The following TTC39B variants were observed in gnomAD, a reference collection of about 807,000 sequenced individuals.
TTC39B encodes the protein tetratricopeptide repeat domain 39B, also known as tetratricopeptide repeat protein 39B.
In TTC39B, 92 loss-of-function variants were observed where a neutral mutation model predicts 96.6. The ratio of observed to expected loss-of-function variants is 0.95; its 90% CI spans 0.80 to 1.13. The LOEUF (loss-of-function observed/expected upper bound fraction) is 1.13, where lower values mean the gene tolerates loss of function less well. TTC39B is among the 50% of genes most tolerant of loss of function. The probability of loss-of-function intolerance (pLI) is 0.00; values close to 1 mark genes in which losing one functional copy is unlikely to be tolerated. For synonymous variants in TTC39B, 367 were observed against 299.4 expected (o/e 1.23, Z -2.33); for missense variants, 955 against 809.3 (o/e 1.18, Z -2.18).
intron 2 of TTC39B, among the ~76,000 whole-genome samples, chr9:15,253,916 C>G (rs1286682860): frequency 6.6e-6 from 1 of 151,998 alleles, no homozygotes; most frequent in Non-Finnish European, 1.5e-5. Flanking sequence ...TACTAAGAAC[C>G]ATACAAAGCA....
intron 13 of TTC39B, 107 bp downstream of exon 13, chr9:15,189,467 A>G: frequency 8.8e-7 from 1 of 1,140,610 alleles, no homozygotes; most frequent in African/African-American, 1.6e-5. Flanking sequence ...ATTTTTGTCT[A>G]GTCCATATAG....
intron 1 of TTC39B, among the ~76,000 whole-genome samples, chr9:15,276,128 G>A (rs1238917923): frequency 6.6e-6 from 1 of 152,178 alleles, no homozygotes. Context: ...GAGGTTATTA[G>A]TAGGACATCT....
intron 18 of TTC39B, among the ~76,000 whole-genome samples, chr9:15,176,724 G>A (rs995741105): frequency 6.6e-6 from 1 of 152,142 alleles, no homozygotes; most frequent in African/African-American, 2.4e-5. Flanking sequence ...ATCAAATAGA[G>A]CTGAGGAGTG....
chr9:15,223,840 C>CAAA (rs754309254), intron 3 of TTC39B, among the ~76,000 whole-genome samples: 26 of 129,788 alleles, frequency 2.0e-4, no homozygotes, highest in African/African-American at 7.0e-4. Flanking sequence ...ACATGACACT[C>CAAA]AAAAAAAAAA....
rs771346974 is a variant in TTC39B, at chr9:15,175,006, C to G, written c.1958+13G>C. On this transcript the variant is annotated intron_variant, in intron 19 of 19. Coordinates refer to ENST00000512701, the Ensembl canonical transcript of TTC39B. ...TCCATAACAATCAAGGAAAAGCTGC[C>G]TTCAACACTTACCTTGCAGTTTCTA... The G allele has an allele frequency of 6.3e-7, 1 of 1,586,588 alleles. No homozygotes were observed. The highest frequency in any genetic ancestry group is 1.7e-4 in the Middle Eastern group (1 of 6,000).
At chr9:15,252,414 CGA>C (rs1822595343) in intron 2 of TTC39B, among the ~76,000 whole-genome samples, 3 of 152,026 alleles carry the variant, frequency 2.0e-5, no homozygotes, top group African/African-American at 7.2e-5. Context: ...TTTGGGAGGC[CGA>C]GACGGGCGGA....
At chr9:15,298,768 T>A (rs1209813977) in intron 1 of TTC39B, among the ~76,000 whole-genome samples, 1 of 152,148 alleles carries the variant, frequency 6.6e-6, no homozygotes, top group Non-Finnish European at 1.5e-5. Flanking sequence ...CTATATATTA[T>A]GTCCCATTTC....
intron 3 of TTC39B, among the ~76,000 whole-genome samples, chr9:15,223,479 G>C (rs535243403): frequency 1.3e-5 from 2 of 152,288 alleles, no homozygotes; most frequent in South Asian, 4.1e-4. Context: ...ACAACTTTGT[G>C]TTAAGAAGCA....
intron 15 of TTC39B, 109 bp downstream of exon 15, chr9:15,186,835 A>T: frequency 1.0e-6 from 1 of 971,854 alleles, no homozygotes; most frequent in African/African-American, 1.6e-5. Flanking sequence ...AGCTGGGACT[A>T]CAAGCACATG....
chr9:15,191,361 G>C (rs1374716746), intron 9 of TTC39B, 106 bp from the exon 10 acceptor site: 1 of 716,510 alleles, frequency 1.4e-6, no homozygotes, highest in Non-Finnish European at 2.3e-6. Flanking sequence ...ATGAGAAATT[G>C]GGAACAAGTT....
intron 2 of TTC39B, among the ~76,000 whole-genome samples, chr9:15,240,376 G>T (rs1056135084): frequency 1.3e-5 from 2 of 152,314 alleles, no homozygotes; most frequent in Middle Eastern, 3.4e-3. Flanking sequence ...AGATAAACTA[G>T]ATAAACTTCT....
At position 15,192,579 on chromosome 9, in the gene TTC39B, G is replaced by A. The variant is rs775247626; in HGVS notation, c.930+11C>T. 1.1e-5 allele frequency: 17 copies of A among 1,605,060 alleles called. No individual in the cohort carries two copies. In the South Asian group the frequency reaches 1.8e-4, roughly 17 times the overall value. Reference sequence around the variant, plus strand: ...ACAAAAGTTCTGGTTTCTATACAGTGATTTCCTTACCAAATTAAAGGCCCC... The same window carrying A: ...ACAAAAGTTCTGGTTTCTATACAGTAATTTCCTTACCAAATTAAAGGCCCC... On this transcript the variant is annotated intron_variant, in intron 9 of 19. Coordinates refer to ENST00000512701, the Ensembl canonical transcript of TTC39B.
chr9:15,186,280 C>T (rs1418338049), intron 15 of TTC39B, among the ~76,000 whole-genome samples: 1 of 152,036 alleles, frequency 6.6e-6, no homozygotes, highest in African/African-American at 2.4e-5. Context: ...TGTTCATTAC[C>T]GTCAGTGGAA....
intron 2 of TTC39B, among the ~76,000 whole-genome samples, chr9:15,253,436 G>GA (rs1822637755): frequency 6.6e-6 from 1 of 152,216 alleles, no homozygotes. Flanking sequence ...CAAGGAAATG[G>GA]ATTCTCCTCT....
At chr9:15,209,152 A>G (rs2131341053) in intron 6 of TTC39B, among the ~76,000 whole-genome samples, 1 of 152,188 alleles carries the variant, frequency 6.6e-6, no homozygotes, top group South Asian at 2.1e-4. Context: ...CAATAGTGAC[A>G]TTTGAAGGAC....
intron 7 of TTC39B, 94 bp downstream of exon 7, chr9:15,203,729 G>T: frequency 9.9e-7 from 1 of 1,006,378 alleles, no homozygotes; most frequent in Non-Finnish European, 1.4e-6. Flanking sequence ...TAAGTCAAAA[G>T]AACTGAAGCT....
chr9:15,284,989 C>T (rs2382518), intron 1 of TTC39B, among the ~76,000 whole-genome samples: 37,803 of 152,050 alleles, frequency 0.25, 5,577 homozygotes, highest in Non-Finnish European at 0.32. Context: ...CGGCCGAGCT[C>T]GGTGGCTCAC....
rs35361396 is a variant in TTC39B at position 15,199,734 on chromosome 9, CAAAAAAAAAAAAAA to C, written c.824+113_824+126del. 166 of 70,668 alleles carry C rather than the reference CAAAAAAAAAAAAAA, an allele frequency of 2.3e-3. 2 individuals are homozygous for C. The highest frequency in any genetic ancestry group is 3.0e-3 in the Non-Finnish European group (121 of 40,758). The allele number at this position is 70,668 out of a possible 1,614,324, so 4.4% of individuals were successfully genotyped here. A position where few individuals can be genotyped will look rare whatever the true frequency, so the allele number is the denominator to read the frequency against. On this transcript the variant is annotated intron_variant, in intron 8 of 19. Transcript: ENST00000512701. The stretch of plus-strand genomic sequence containing the variant: ...TGGGTGACAGAGTGAGACTCCGTCT[CAAAAAAAAAAAAAA>C]AAAAAAAAAAAAAAAAAAAATCCTA...
rs578006074 is a variant in TTC39B, at chr9:15,234,705, G to A, written c.276-8693C>T. ...TACTAAGAAAAATTCTTCTGCCTTG[G>A]GATCCTGTTGATCTGTGACCTTACC... On this transcript the variant is annotated intron_variant, in intron 2 of 19. Coordinates refer to ENST00000512701, the Ensembl canonical transcript of TTC39B. Among the ~76,000 whole-genome samples the A allele has an allele frequency of 4.7e-3, 719 of 151,742 alleles. 6 individuals are homozygous for A. The highest frequency in any genetic ancestry group is 0.016 in the African/African-American group (646 of 41,342).
Sources: allele counts gnomAD v4.1 joint callset (sites outside exome capture counted in the v4.1 genomes callset), GRCh38; gene constraint gnomAD v4.1.1; transcripts MANE v1.5; gene names NCBI Gene and HGNC (gene_info 2026-07-23, HGNC 2026-07-21).